RNF11: variants seen among roughly 807,000 people sequenced by gnomAD.
RNF11 encodes the protein ring finger protein 11.
In RNF11, 4 loss-of-function variants were observed where a neutral mutation model predicts 15.8. That is an observed-to-expected ratio of 0.25 (90% CI 0.12 to 0.58). The LOEUF (loss-of-function observed/expected upper bound fraction) is 0.58, where lower values mean the gene tolerates loss of function less well. Among genes scored for constraint, RNF11 ranks in the 20% least tolerant of loss-of-function variants. The pLI is 0.91. For synonymous variants in RNF11, 68 were observed against 72.3 expected (o/e 0.94, Z 0.30); for missense variants, 139 against 194.4 (o/e 0.71, Z 1.70).
intron 1 of RNF11, 129 bp from the exon 2 acceptor site, chr1:51,269,827 T>G (rs924349051): frequency 8.4e-6 from 6 of 711,874 alleles, no homozygotes; most frequent in African/African-American, 1.8e-5. Context: ...AACACAGTCA[T>G]ACAGCCAAAC....
Position 51,236,732 on chromosome 1 carries a change from A to G in RNF11, c.-25A>G, listed in dbSNP as rs1477853991. 1.9e-6 allele frequency: 3 copies of G among 1,608,792 alleles called. No individual in the cohort carries two copies. The highest frequency in any genetic ancestry group is 2.5e-6 in the Non-Finnish European group (3 of 1,177,944). ...CCCCACCGCTGCTTTCTCCTCCCCC[A>G]GATCACGCACCCCAGCTCCGGAAGA... is the stretch of plus-strand genomic sequence containing the variant. On this transcript the variant is annotated 5_prime_UTR_variant, in exon 1 of 3. Coordinates refer to ENST00000242719, the MANE Select transcript of RNF11 (RefSeq NM_014372.5).
chr1:51,241,340 A>G (rs962973739), intron 1 of RNF11, among the ~76,000 whole-genome samples: 1 of 152,120 alleles, frequency 6.6e-6, no homozygotes, highest in Non-Finnish European at 1.5e-5. Flanking sequence ...CACAGGTGCA[A>G]TTATAGTGCA....
intron 1 of RNF11, among the ~76,000 whole-genome samples, chr1:51,237,623 C>T (rs893636224): frequency 3.3e-5 from 5 of 151,968 alleles, no homozygotes; most frequent in Non-Finnish European, 7.4e-5. Context: ...GTATCAAAGA[C>T]TCTCCTAAAT....
At chr1:51,244,535 C>T (rs532908661) in intron 1 of RNF11, among the ~76,000 whole-genome samples, 6 of 152,198 alleles carry the variant, frequency 3.9e-5, no homozygotes, top group Admixed American at 6.5e-5. Context: ...TACAGGTGCC[C>T]GCCACCACAC....
intron 1 of RNF11, chr1:51,251,355 C>A: frequency 6.6e-7 from 1 of 1,510,512 alleles, no homozygotes; most frequent in East Asian, 2.3e-5. Flanking sequence ...GCCCCGGCCC[C>A]GTCTACGGCT....
intron 1 of RNF11, among the ~76,000 whole-genome samples, chr1:51,268,396 T>C (rs1646964395): frequency 1.3e-5 from 2 of 152,166 alleles, no homozygotes; most frequent in African/African-American, 4.8e-5. Flanking sequence ...AACAAAAAAA[T>C]ACCAAAGGAG....
chr1:51,249,987 GTTC>G (rs1431665900), intron 1 of RNF11, among the ~76,000 whole-genome samples: 2 of 152,018 alleles, frequency 1.3e-5, no homozygotes, highest in African/African-American at 4.8e-5. Flanking sequence ...CCTATTCGTC[GTTC>G]TTCTGTCAAT....
chr1:51,258,790 CTCTG>C (rs771304344), intron 1 of RNF11, among the ~76,000 whole-genome samples: 23 of 152,288 alleles, frequency 1.5e-4, no homozygotes, highest in Admixed American at 1.5e-3. Flanking sequence ...AATCTGTGCT[CTCTG>C]TCTAACGTTT....
chr1:51,253,742 A>G (rs115146460), intron 1 of RNF11, among the ~76,000 whole-genome samples: 60 of 152,240 alleles, frequency 3.9e-4, no homozygotes, highest in South Asian at 1.7e-3. Flanking sequence ...ACACTTCATT[A>G]TTTTTGCTTT....
At chr1:51,267,217 A>G (rs781114343) in intron 1 of RNF11, among the ~76,000 whole-genome samples, 15 of 152,334 alleles carry the variant, frequency 9.8e-5, no homozygotes, top group Admixed American at 6.5e-4. Context: ...CATTAGGTCC[A>G]TATTTAGGCC....
chr1:51,262,715 CTTTTTTTT>C (rs35542254), intron 1 of RNF11, among the ~76,000 whole-genome samples: 1 of 84,090 alleles, frequency 1.2e-5, no homozygotes, highest in South Asian at 4.4e-4. Flanking sequence ...GCCTGCTAAT[CTTTTTTTT>C]TTTTTTTTTT....
At position 51,272,948 on chromosome 1, in the gene RNF11, C is replaced by T. The variant is rs181233941; in HGVS notation, c.*1626C>T. The T allele has an allele frequency of 6.6e-6, 1 of 152,144 alleles. No individual in the cohort carries two copies. The highest frequency in any genetic ancestry group is 2.4e-5 in the African/African-American group (1 of 41,546). 9.4% of individuals were successfully genotyped at this position (152,144 alleles called of 1,614,324 possible). A position where few individuals can be genotyped will look rare whatever the true frequency, so the allele number is the denominator to read the frequency against. ...TAGTATCCATATGTTGCTTAAATTT[C>T]CTTATGAGCCCCATGATGGAAAGAC... On this transcript the variant is annotated 3_prime_UTR_variant, in exon 3 of 3. Transcript: ENST00000242719.
chr1:51,250,522 T>G (rs1646872404), intron 1 of RNF11: 2 of 549,476 alleles, frequency 3.6e-6, no homozygotes, highest in Non-Finnish European at 6.4e-6. Context: ...ACAAGTATGT[T>G]GGAATTTTTG....
intron 1 of RNF11, among the ~76,000 whole-genome samples, chr1:51,254,559 A>T (rs1459301779): frequency 6.6e-6 from 1 of 152,026 alleles, no homozygotes; most frequent in Non-Finnish European, 1.5e-5. Context: ...CCCTGGGTTC[A>T]AACGATTCTC....
intron 1 of RNF11, among the ~76,000 whole-genome samples, chr1:51,257,435 T>A (rs1330984948): frequency 6.6e-6 from 1 of 152,094 alleles, no homozygotes; most frequent in Non-Finnish European, 1.5e-5. Flanking sequence ...TTAATTTTCT[T>A]TATTTTTTAT....
chr1:51,262,634 C>T lies in RNF11; in HGVS notation c.124-7322C>T, dbSNP rs147572655. On this transcript the variant is annotated intron_variant, in intron 1 of 2. Coordinates refer to ENST00000242719, the MANE Select transcript of RNF11 (RefSeq NM_014372.5). ...ACAATCTTGGCTTATTGCAATGCCA[C>T]CTCCCAGGTTCAAGCAGTTCTTGTG... Among the ~76,000 whole-genome samples the T allele has an allele frequency of 2.0e-5, 3 of 151,998 alleles. No individual in the cohort carries two copies. The East Asian group carries it at 5.8e-4, about 29-fold the overall frequency.
chr1:51,263,753 G>A (rs1309408859), intron 1 of RNF11, among the ~76,000 whole-genome samples: 1 of 152,122 alleles, frequency 6.6e-6, no homozygotes, highest in Admixed American at 6.5e-5. Flanking sequence ...GTTTGGGGGA[G>A]TGACTGTTAA....
intron 1 of RNF11, among the ~76,000 whole-genome samples, chr1:51,239,500 G>T (rs1299549209): frequency 1.3e-5 from 2 of 152,090 alleles, no homozygotes; most frequent in African/African-American, 2.4e-5. Flanking sequence ...CACCCCCAAA[G>T]AAATAAGATC....
rs572858486 is a variant in RNF11, at chr1:51,241,223, G to A, written c.123+4344G>A. Among the ~76,000 whole-genome samples the A allele has an allele frequency of 2.0e-3, 309 of 152,266 alleles. 3 individuals carry two copies. The highest frequency in any genetic ancestry group is 7.2e-3 in the African/African-American group (299 of 41,560). ...CTGCCTCAGCCTCTTGAGTAGCTAGGGTTACAGGTGCACTTCTACTCTGCC... is the reference window on the plus strand; with the variant it reads ...CTGCCTCAGCCTCTTGAGTAGCTAGAGTTACAGGTGCACTTCTACTCTGCC... On this transcript the variant is annotated intron_variant, in intron 1 of 2. Coordinates refer to ENST00000242719, the MANE Select transcript of RNF11 (RefSeq NM_014372.5).
Sources: gnomAD v4.1 joint callset for allele counts (sites outside exome capture counted in the v4.1 genomes callset) on GRCh38, gnomAD v4.1.1 for gene constraint, MANE v1.5 for transcripts, NCBI Gene and HGNC (gene_info 2026-07-23, HGNC 2026-07-21) for gene names.